Variants in RBM23 observed in about 807,000 individuals in gnomAD.
The protein encoded by RBM23 is RNA binding motif protein 23, also known as probable RNA-binding protein 23.
Under a neutral mutation model 56.2 loss-of-function variants are expected in RBM23, and 53 were observed. The ratio of observed to expected loss-of-function variants is 0.94; its 90% CI spans 0.76 to 1.19. RBM23 has a LOEUF of 1.19. RBM23 is among the 50% of genes most tolerant of loss of function. The pLI, the probability that RBM23 is intolerant of heterozygous loss-of-function variation, is 0.00. For synonymous variants in RBM23, 197 were observed against 198.5 expected (o/e 0.99, Z 0.06); for missense variants, 642 against 590.3 (o/e 1.09, Z -0.91).
rs759266324 is a variant in RBM23 at position 22,905,250 on chromosome 14, T to A, written c.574-4A>T. 1 of 1,613,902 alleles carries A rather than the reference T, an allele frequency of 6.2e-7. No individual in the cohort carries two copies. Among genetic ancestry groups the A allele is most frequent in the Non-Finnish European group, 8.5e-7 (1 of 1,179,982 alleles). On this transcript the variant is annotated splice_region_variant and splice_polypyrimidine_tract_variant and intron_variant, in intron 7 of 13. Transcript: ENST00000359890. ...AGATGATACGTACATCGCGAACCTA[T>A]CCAGGACGCAAAAGAAATCCTGAGT...
chr14:22,901,679 T>G lies in RBM23; in HGVS notation c.*51A>C. ...AAATGGGGCCATGGAAGAGTAGATG[T>G]GAAGTGGCAGGATCCAGAGGCACAA... On this transcript the variant is annotated 3_prime_UTR_variant, in exon 14 of 14. Transcript: ENST00000359890. The G allele has an allele frequency of 6.3e-7, 1 of 1,594,946 alleles. No individual in the cohort carries two copies. The highest frequency in any genetic ancestry group is 8.6e-7 in the Non-Finnish European group (1 of 1,162,704).
rs148418257 is a variant in RBM23 at position 22,900,139 on chromosome 14, G to C, written c.*1591C>G. 1.3e-5 allele frequency: 2 copies of C among 152,290 alleles called. No homozygotes were observed. The highest frequency in any genetic ancestry group is 1.9e-4 in the East Asian group (1 of 5,188). The allele number at this position is 152,290 out of a possible 1,614,324, so 9.4% of individuals were successfully genotyped here. On this transcript the variant is annotated 3_prime_UTR_variant, in exon 14 of 14. Coordinates refer to ENST00000359890, the MANE Select transcript of RBM23 (RefSeq NM_001077351.2). The stretch of plus-strand genomic sequence containing the variant: ...CCAGGCAGAGCCACATGGAAAGCAG[G>C]AGTTGAGGGGACTGACAGAGGAACA...
At chr14:22,907,872 G>T (rs1042172846) in intron 4 of RBM23, among the ~76,000 whole-genome samples, 1 of 151,950 alleles carries the variant, frequency 6.6e-6, no homozygotes, top group African/African-American at 2.4e-5. Flanking sequence ...TCTTTGTGTC[G>T]TAGTTTTCAA....
intron 1 of RBM23, among the ~76,000 whole-genome samples, chr14:22,912,998 C>CAAAAAAAAAAAAAAAAAAAAAAAAAAAA (rs58361546): frequency 2.8e-5 from 1 of 35,412 alleles, no homozygotes; most frequent in Non-Finnish European, 4.3e-5. Context: ...GATTCAGTCT[C>CAAAAAAAAAAAAAAAAAAAAAAAAAAAA]AAAAAAAAAA....
chr14:22,912,524 A>G (rs2139075275), intron 1 of RBM23, among the ~76,000 whole-genome samples: 1 of 152,272 alleles, frequency 6.6e-6, no homozygotes, highest in East Asian at 1.9e-4. Flanking sequence ...GTCAAATAAG[A>G]AAAACAGAAA....
At position 22,900,598 on chromosome 14, in the gene RBM23, TGA is replaced by T. The variant is rs1160285728; in HGVS notation, c.*1130_*1131del. ...ACAGAATGGGAACCCCACCCAGGTG[TGA>T]GTTTTCATTTTTCTTTCTAAAGGTG... On this transcript the variant is annotated 3_prime_UTR_variant, in exon 14 of 14. Coordinates refer to ENST00000359890, the MANE Select transcript of RBM23 (RefSeq NM_001077351.2). 1 of 152,104 alleles carries T rather than the reference TGA, an allele frequency of 6.6e-6. No individual in the cohort carries two copies. The highest frequency in any genetic ancestry group is 2.4e-5 in the African/African-American group (1 of 41,394). The allele number at this position is 152,104 out of a possible 1,614,324, so 9.4% of individuals were successfully genotyped here.
Position 22,906,332 on chromosome 14 carries a change from A to G in RBM23, c.264T>C (p.Asn88=), listed in dbSNP as rs1275775022. 1.2e-6 allele frequency: 2 copies of G among 1,614,100 alleles called. No homozygotes were observed. The highest frequency in any genetic ancestry group is 4.5e-5 in the East Asian group (2 of 44,876). The change falls in exon 5 of 14, where the codon AAT becomes AAC. Residue 88 remains asparagine, a synonymous_variant. Transcript: ENST00000359890. ...GCCGACCTGGACTTCGGCTCCGACT[A>G]TTTCTCCGTCTATACCGATCCCGAT... ...SRDRDRYRRR[N]SRSRSPGRQC...
chr14:22,916,662 G>GA (rs537849203), intron 1 of RBM23, among the ~76,000 whole-genome samples: 88 of 142,820 alleles, frequency 6.2e-4, no homozygotes, highest in South Asian at 2.4e-3. Context: ...AACTTTAAAG[G>GA]AAAAAAAAAA....
rs1355661297 is a variant in RBM23 at position 22,901,559 on chromosome 14, A to G, written c.*171T>C. On this transcript the variant is annotated 3_prime_UTR_variant, in exon 14 of 14. Coordinates refer to ENST00000359890, the MANE Select transcript of RBM23 (RefSeq NM_001077351.2). ...AGCAGAGTCCATTTCCAGTGGGACC[A>G]TGGGCAGGAGCTTTTCTTGGTATCT... 1 of 951,456 alleles carries G rather than the reference A, an allele frequency of 1.1e-6. No individual in the cohort carries two copies. The highest frequency in any genetic ancestry group is 1.6e-5 in the African/African-American group (1 of 60,610). The allele number at this position is 951,456 out of a possible 1,614,324, so 58.9% of individuals were successfully genotyped here.
chr14:22,916,033 C>G (rs1376046762), intron 1 of RBM23, among the ~76,000 whole-genome samples: 1 of 152,140 alleles, frequency 6.6e-6, no homozygotes, highest in Non-Finnish European at 1.5e-5. Flanking sequence ...CTGGGCAATA[C>G]AGTGAGGCCC....
chr14:22,904,452 G>A (rs1294870973), intron 9 of RBM23, 126 bp from the exon 10 acceptor site: 9 of 796,034 alleles, frequency 1.1e-5, no homozygotes, highest in Admixed American at 2.8e-5. Flanking sequence ...CTCCAGCCTG[G>A]GTGACAGAGT....
chr14:22,905,095 T>C lies in RBM23; in HGVS notation c.725A>G (p.Gln242Arg), dbSNP rs767974356. ...ATGTCTGTTTCTCAGCCTGCTCACC[T>C]GTGAAGCCTGTACAATGATAGGCAC... Reference protein sequence around the residue: ...LGVPIIVQASQAEKNRLAAMA... With the variant: ...LGVPIIVQASRAEKNRLAAMA... The change falls in exon 8 of 14, where the codon CAG (glutamine) becomes CGG (arginine). Residue 242 changes from glutamine (Q) to arginine (R), a missense_variant and splice_region_variant. Coordinates refer to ENST00000359890, the MANE Select transcript of RBM23 (RefSeq NM_001077351.2). 3.1e-6 allele frequency: 5 copies of C among 1,614,154 alleles called. No individual in the cohort carries two copies. The highest frequency in any genetic ancestry group is 2.5e-6 in the Non-Finnish European group (3 of 1,180,002).
chr14:22,894,682 C>CA lies in RBM23; in HGVS notation c.*7047dup, dbSNP rs2040219812. 6.6e-6 allele frequency: 1 copy of CA among 151,894 alleles called. No individual in the cohort carries two copies. The highest frequency in any genetic ancestry group is 2.4e-5 in the African/African-American group (1 of 41,294). 9.4% of individuals were successfully genotyped at this position (151,894 alleles called of 1,614,324 possible). A position where few individuals can be genotyped will look rare whatever the true frequency, so the allele number is the denominator to read the frequency against. On this transcript the variant is annotated 3_prime_UTR_variant, in exon 14 of 14. Coordinates refer to ENST00000359890, the MANE Select transcript of RBM23 (RefSeq NM_001077351.2). Reference sequence around the variant, plus strand: ...TGAAGTGAGCAGAGATCGCAGTGAGCAGAGATCATGCCACTGCACTCCAGC... The same window carrying CA: ...TGAAGTGAGCAGAGATCGCAGTGAGCAAGAGATCATGCCACTGCACTCCAGC...
intron 5 of RBM23, chr14:22,905,964 G>A: frequency 1.6e-6 from 1 of 611,010 alleles, no homozygotes; most frequent in South Asian, 2.0e-5. Flanking sequence ...TGTCCTGGCT[G>A]GTCTTGAATT....
At chr14:22,906,505 T>G in intron 4 of RBM23, 137 bp from the exon 5 acceptor site, 1 of 991,400 alleles carries the variant, frequency 1.0e-6, no homozygotes, top group Non-Finnish European at 1.5e-6. Context: ...GCCACTGTAA[T>G]GTCGTAATGT....
rs2040488375 is a variant in RBM23 at position 22,901,588 on chromosome 14, G to C, written c.*142C>G. On this transcript the variant is annotated 3_prime_UTR_variant, in exon 14 of 14. Transcript: ENST00000359890. The stretch of plus-strand genomic sequence containing the variant: ...GCAGGAGCTTTTCTTGGTATCTTAA[G>C]GGTGGCCCCAATTTCCTCAGAGACA... The C allele has an allele frequency of 8.0e-7, 1 of 1,249,998 alleles. No homozygotes were observed. The highest frequency in any genetic ancestry group is 1.3e-5 in the South Asian group (1 of 74,426). The allele number at this position is 1,249,998 out of a possible 1,614,324, so 77.4% of individuals were successfully genotyped here. A position where few individuals can be genotyped will look rare whatever the true frequency, so the allele number is the denominator to read the frequency against.
At chr14:22,903,166 ACCC>A (rs1358746578) in intron 10 of RBM23, 1 of 985,328 alleles carries the variant, frequency 1.0e-6, no homozygotes, top group Non-Finnish European at 1.2e-6. Context: ...GCAAGGCAGA[ACCC>A]ACACCCCCAC....
chr14:22,917,947 A>C (rs1341384032), intron 1 of RBM23: 2 of 152,252 alleles, frequency 1.3e-5, no homozygotes, highest in Admixed American at 1.3e-4. Context: ...GAAAAGCTGG[A>C]GCCCCAGGGG....
chr14:22,917,573 G>GTTTTTTTTTTTTTTTTTTTTTTT (rs1040338701), intron 1 of RBM23: 1 of 139,422 alleles, frequency 7.2e-6, no homozygotes, highest in South Asian at 2.3e-4. Flanking sequence ...CTTCTTTTTT[G>GTTTTTTTTTTTTTTTTTTTTTTT]TTTTTTTTTT....
Sources: allele counts gnomAD v4.1 joint callset (sites outside exome capture counted in the v4.1 genomes callset), GRCh38; gene constraint gnomAD v4.1.1; transcripts MANE v1.5; gene names NCBI Gene and HGNC (gene_info 2026-07-23, HGNC 2026-07-21).